Variants in HSF2 observed in about 807,000 individuals in gnomAD.
HSF2 encodes heat shock factor protein 2.
In HSF2, 21 loss-of-function variants were observed where a neutral mutation model predicts 65.0. The ratio of observed to expected loss-of-function variants is 0.32; its 90% CI spans 0.23 to 0.47. HSF2 has a LOEUF of 0.47. Among genes scored for constraint, HSF2 ranks in the 20% least tolerant of loss-of-function variants. HSF2 has a pLI of 1.00. For synonymous variants in HSF2, 225 were observed against 219.1 expected (o/e 1.03, Z -0.24); for missense variants, 499 against 628.1 (o/e 0.79, Z 2.20).
At chr6:122,400,762 C>T (rs1199304668) in intron 1 of HSF2, among the ~76,000 whole-genome samples, 10 of 152,192 alleles carry the variant, frequency 6.6e-5, no homozygotes, top group Admixed American at 6.5e-4. Context: ...GAATACACTC[C>T]TAGGCTGTTG....
chr6:122,407,766 G>A (rs1011014805), intron 1 of HSF2, among the ~76,000 whole-genome samples: 3 of 152,022 alleles, frequency 2.0e-5, no homozygotes, highest in Non-Finnish European at 4.4e-5. Context: ...TCACAAGTAC[G>A]TGTAGATATT....
intron 1 of HSF2, among the ~76,000 whole-genome samples, chr6:122,403,924 A>G (rs1773801328): frequency 6.6e-6 from 1 of 152,218 alleles, no homozygotes; most frequent in Non-Finnish European, 1.5e-5. Flanking sequence ...GTTATATAGT[A>G]AAAAACAGCC....
At chr6:122,424,382 T>C (rs1385644964) in intron 10 of HSF2, among the ~76,000 whole-genome samples, 1 of 152,078 alleles carries the variant, frequency 6.6e-6, no homozygotes, top group African/African-American at 2.4e-5. Context: ...TGAACAGTTT[T>C]CTCTCTTTAT....
chr6:122,401,743 ATTGT>A (rs776563134), intron 1 of HSF2, among the ~76,000 whole-genome samples: 5 of 152,340 alleles, frequency 3.3e-5, no homozygotes, highest in South Asian at 4.1e-4. Flanking sequence ...GTGTTTAATA[ATTGT>A]TTGATGAATA....
In HSF2 at chr6:122,408,810, C is replaced by T. The variant is rs1484332530; in HGVS notation, c.94-3563C>T. 2.0e-5 allele frequency among the ~76,000 whole-genome samples: 3 copies of T among 150,922 alleles called. No individual in the cohort carries two copies. In the South Asian group the frequency reaches 6.2e-4, roughly 31 times the overall value. On this transcript the variant is annotated intron_variant, in intron 1 of 12. Coordinates refer to ENST00000368455, the MANE Select transcript of HSF2 (RefSeq NM_004506.4). ...TTTTAAAGGGAATGTTTTAATGTTT[C>T]CCCCTTACTAGCTGTTAGAATGAGA...
intron 7 of HSF2, among the ~76,000 whole-genome samples, chr6:122,420,472 C>T (rs1774207776): frequency 6.6e-6 from 1 of 151,968 alleles, no homozygotes; most frequent in Non-Finnish European, 1.5e-5. Context: ...CCCCTCTTTA[C>T]TCTTCCTCGC....
chr6:122,411,536 C>T (rs1773994465), intron 1 of HSF2, among the ~76,000 whole-genome samples: 1 of 151,724 alleles, frequency 6.6e-6, no homozygotes, highest in Admixed American at 6.6e-5. Flanking sequence ...ATGTCATGCT[C>T]TACTATTGTT....
intron 4 of HSF2, among the ~76,000 whole-genome samples, chr6:122,415,406 A>G (rs1774101780): frequency 6.6e-6 from 1 of 152,212 alleles, no homozygotes; most frequent in South Asian, 2.1e-4. Flanking sequence ...TCTATAAAAT[A>G]GAGATGATGA....
At chr6:122,420,107 C>T (rs1774200202) in intron 6 of HSF2, 28 bp from the exon 7 acceptor site, 2 of 1,584,156 alleles carry the variant, frequency 1.3e-6, no homozygotes, top group South Asian at 1.2e-5. Flanking sequence ...GTTTGCTTCA[C>T]TGAACTGCAT....
At chr6:122,413,770 G>C (rs1774056242) in intron 4 of HSF2, 121 bp downstream of exon 4, 6 of 812,620 alleles carry the variant, frequency 7.4e-6, no homozygotes, top group Non-Finnish European at 1.2e-5. Context: ...TTGAAGCCAA[G>C]ATCAAAGGTC....
intron 7 of HSF2, among the ~76,000 whole-genome samples, chr6:122,421,125 T>C (rs1396792896): frequency 1.3e-5 from 2 of 152,142 alleles, no homozygotes; most frequent in Non-Finnish European, 2.9e-5. Flanking sequence ...TTTTTATTAA[T>C]GTTCACCAAC....
At chr6:122,409,177 A>G (rs1201603664) in intron 1 of HSF2, among the ~76,000 whole-genome samples, 1 of 152,014 alleles carries the variant, frequency 6.6e-6, no homozygotes, top group Non-Finnish European at 1.5e-5. Context: ...CTCTTATTTG[A>G]TAGGTGGAAG....
chr6:122,420,044 T>C, intron 6 of HSF2, 91 bp from the exon 7 acceptor site: 1 of 1,252,820 alleles, frequency 8.0e-7, no homozygotes, highest in Non-Finnish European at 1.1e-6. Context: ...TAAGTGAGTG[T>C]GCATGTGTGT....
At chr6:122,401,246 A>G (rs940262618) in intron 1 of HSF2, among the ~76,000 whole-genome samples, 6 of 152,222 alleles carry the variant, frequency 3.9e-5, no homozygotes, top group African/African-American at 1.4e-4. Context: ...GCCAGCCACT[A>G]GCATGTACTT....
chr6:122,431,228 T>G (rs1216063174), intron 11 of HSF2, among the ~76,000 whole-genome samples: 1 of 152,122 alleles, frequency 6.6e-6, no homozygotes, highest in African/African-American at 2.4e-5. Flanking sequence ...CTTTGTTTTA[T>G]CCCCTCAGTG....
chr6:122,423,442 T>G (rs1185047713), intron 9 of HSF2, 139 bp from the exon 10 acceptor site: 1 of 492,994 alleles, frequency 2.0e-6, no homozygotes, highest in East Asian at 3.1e-5. Flanking sequence ...TACTCTAGAA[T>G]AAGATCTCTT....
intron 4 of HSF2, among the ~76,000 whole-genome samples, chr6:122,415,059 T>G (rs1282959890): frequency 6.6e-6 from 1 of 152,176 alleles, no homozygotes; most frequent in Non-Finnish European, 1.5e-5. Context: ...TAGTTTGGAT[T>G]AAAGAAGATG....
chr6:122,422,842 A>G lies in HSF2; in HGVS notation c.955A>G (p.Ser319Gly), dbSNP rs1774267225. The change falls in exon 9 of 13, where the codon AGC becomes GGC. Residue 319 changes from serine to glycine, a missense_variant. Physicochemically the swap from Ser to Gly is moderately conservative, Grantham distance 56. Coordinates refer to ENST00000368455, the MANE Select transcript of HSF2 (RefSeq NM_004506.4). The stretch of plus-strand genomic sequence containing the variant: ...ATCCCTAAGTTCAGGCAGTGATGGC[A>G]GCAGCCCTCTCATGTCTAGTGCTGT... ...RESLSSGSDGSSPLMSSAVQL... is the reference protein window; with the variant it reads ...RESLSSGSDGGSPLMSSAVQL... The G allele has an allele frequency of 1.2e-6, 2 of 1,613,784 alleles. No homozygotes were observed. The highest frequency in any genetic ancestry group is 1.7e-4 in the Middle Eastern group (1 of 6,058).
chr6:122,416,058 T>A lies in HSF2; in HGVS notation c.456-163T>A, dbSNP rs150764043. On this transcript the variant is annotated intron_variant, in intron 4 of 12. Coordinates refer to ENST00000368455, the MANE Select transcript of HSF2 (RefSeq NM_004506.4). ...TGATTCAGGAGTTGTGTCAAGGTAG[T>A]TGTCATTCCTATGTAATTGAACCAA... is the stretch of plus-strand genomic sequence containing the variant. Among the ~76,000 whole-genome samples, 755 of 152,272 alleles carry A rather than the reference T, an allele frequency of 5.0e-3. 5 individuals are homozygous for A. Among genetic ancestry groups the A allele is most frequent in the Middle Eastern group, 0.01 (3 of 294 alleles).
Sources: gnomAD v4.1 joint callset for allele counts (sites outside exome capture counted in the v4.1 genomes callset) on GRCh38, gnomAD v4.1.1 for gene constraint, MANE v1.5 for transcripts, NCBI Gene and HGNC (gene_info 2026-07-23, HGNC 2026-07-21) for gene names.